The following ADGRG6 variants were observed in gnomAD, a reference collection of about 807,000 sequenced individuals.
ADGRG6 encodes the protein G-protein coupled receptor 126.
Under a neutral mutation model 142.4 loss-of-function variants are expected in ADGRG6, and 84 were observed. That is an observed-to-expected ratio of 0.59 (90% CI 0.49 to 0.71). The LOEUF is 0.71. ADGRG6 is among the 30% of genes least tolerant of loss of function. ADGRG6 has a pLI of 0.00. For missense variants in ADGRG6, 1,367 were observed against 1,466.6 expected (o/e 0.93, Z 1.11); for synonymous variants, 521 against 520.5 (o/e 1.00, Z -0.01).
chr6:142,389,638 C>G (rs964532545), intron 6 of ADGRG6, among the ~76,000 whole-genome samples: 5 of 151,834 alleles, frequency 3.3e-5, no homozygotes, highest in African/African-American at 1.2e-4. Flanking sequence ...GAAAATTCTA[C>G]CTGCAAATAT....
intron 24 of ADGRG6, among the ~76,000 whole-genome samples, chr6:142,441,956 T>C (rs967898594): frequency 2.6e-5 from 4 of 152,202 alleles, no homozygotes; most frequent in African/African-American, 7.2e-5. Context: ...TCTAGCATCC[T>C]TTAGTGTGGG....
chr6:142,310,433 T>A (rs1338197050), intron 2 of ADGRG6, among the ~76,000 whole-genome samples: 1 of 151,620 alleles, frequency 6.6e-6, no homozygotes, highest in Non-Finnish European at 1.5e-5. Context: ...TCCTTTAGAA[T>A]AAAGCTAAAA....
At chr6:142,405,650 A>G (rs370424311) in intron 14 of ADGRG6, 38 bp from the exon 15 acceptor site, 5 of 1,541,040 alleles carry the variant, frequency 3.2e-6, no homozygotes, top group East Asian at 2.3e-5. Flanking sequence ...CCATTCAATT[A>G]TGATTACTTG....
chr6:142,404,174 G>T, intron 14 of ADGRG6: 1 of 546,420 alleles, frequency 1.8e-6, no homozygotes, highest in Non-Finnish European at 3.2e-6. Flanking sequence ...CTGGGTGACA[G>T]GGGTGGTCAG....
chr6:142,328,701 A>G (rs1331208437), intron 2 of ADGRG6, among the ~76,000 whole-genome samples: 2 of 152,190 alleles, frequency 1.3e-5, no homozygotes, highest in Non-Finnish European at 1.5e-5. Context: ...GAGTATCACC[A>G]GGGAATGCCA....
intron 2 of ADGRG6, among the ~76,000 whole-genome samples, chr6:142,333,587 C>A (rs954060716): frequency 1.3e-5 from 2 of 152,124 alleles, no homozygotes; most frequent in African/African-American, 4.8e-5. Flanking sequence ...TGGGCTCAAG[C>A]AATCCTCCTG....
At chr6:142,337,942 A>G (rs1469798305) in intron 2 of ADGRG6, among the ~76,000 whole-genome samples, 2 of 150,936 alleles carry the variant, frequency 1.3e-5, no homozygotes, top group Non-Finnish European at 2.9e-5. Context: ...TACATCTGAC[A>G]CTGAATTTAT....
intron 4 of ADGRG6, among the ~76,000 whole-genome samples, chr6:142,381,205 T>C (rs969627860): frequency 1.2e-4 from 18 of 152,348 alleles, no homozygotes; most frequent in Non-Finnish European, 1.8e-4. Flanking sequence ...CACTATTATA[T>C]AAATGTCCCT....
intron 21 of ADGRG6, among the ~76,000 whole-genome samples, chr6:142,418,639 C>T (rs143370324): frequency 2.0e-5 from 3 of 152,204 alleles, no homozygotes; most frequent in East Asian, 3.9e-4. Flanking sequence ...TAGTAAACTG[C>T]TATACCATTA....
intron 22 of ADGRG6, among the ~76,000 whole-genome samples, chr6:142,425,148 A>C (rs1238048144): frequency 6.6e-6 from 1 of 152,216 alleles, no homozygotes; most frequent in Non-Finnish European, 1.5e-5. Context: ...TTCAATCTTT[A>C]TAAACACAAT....
chr6:142,382,845 A>G (rs550580952), intron 5 of ADGRG6, among the ~76,000 whole-genome samples: 3 of 152,192 alleles, frequency 2.0e-5, no homozygotes, highest in Non-Finnish European at 4.4e-5. Context: ...GATTGAAGAA[A>G]TAAAAACCTA....
chr6:142,342,777 A>T (rs543782758), intron 2 of ADGRG6, among the ~76,000 whole-genome samples: 14 of 152,208 alleles, frequency 9.2e-5, no homozygotes, highest in African/African-American at 3.4e-4. Context: ...CATCTGGCAT[A>T]AATCATTACT....
At position 142,315,703 on chromosome 6, in the gene ADGRG6, C is replaced by T. The variant is rs555309277; in HGVS notation, c.103+6059C>T. 4.1e-4 allele frequency among the ~76,000 whole-genome samples: 63 copies of T among 151,922 alleles called. 1 individual carries two copies. Among genetic ancestry groups the T allele is most frequent in the Admixed American group, 3.3e-4 (5 of 15,234 alleles). ...AAAATTAGCCTGGTGTGGTGGTGCG[C>T]GCCTGTAATCCCAGCTACTCGGGAG... On this transcript the variant is annotated intron_variant, in intron 2 of 24. Transcript: ENST00000367609.
intron 2 of ADGRG6, among the ~76,000 whole-genome samples, chr6:142,335,308 T>C (rs1779259085): frequency 6.6e-6 from 1 of 152,194 alleles, no homozygotes; most frequent in African/African-American, 2.4e-5. Flanking sequence ...TACACAATTA[T>C]TGATCTTGGT....
In ADGRG6 at chr6:142,382,028, C is replaced by T. The variant is rs201373020; in HGVS notation, c.1138+9C>T. 426 of 1,552,858 alleles carry T rather than the reference C, an allele frequency of 2.7e-4. 1 individual carries two copies. The highest frequency in any genetic ancestry group is 3.4e-4 in the Middle Eastern group (2 of 5,944). ...GGGGACCCTCTGTCAAGGTAGGGAG[C>T]CCACACCGTGCTCTGGAATCTCTTT... is the stretch of plus-strand genomic sequence containing the variant. On this transcript the variant is annotated intron_variant, in intron 5 of 24. Transcript: ENST00000367609.
In ADGRG6 at chr6:142,363,404, G is replaced by A. The variant is rs182548681; in HGVS notation, c.104-4165G>A. Among the ~76,000 whole-genome samples the A allele has an allele frequency of 4.8e-3, 735 of 151,948 alleles. 9 individuals are homozygous for A. The highest frequency in any genetic ancestry group is 0.017 in the African/African-American group (697 of 41,482). ...AAATGTTATTTATCAATTGAATTAG[G>A]CTTTGGCGTGACTGGAAGACTTTTC... On this transcript the variant is annotated intron_variant, in intron 2 of 24. Coordinates refer to ENST00000367609, the MANE Select transcript of ADGRG6 (RefSeq NM_198569.3).
chr6:142,408,458 T>A (rs1446858851), intron 16 of ADGRG6, among the ~76,000 whole-genome samples, 189 bp downstream of exon 16: 1 of 151,992 alleles, frequency 6.6e-6, no homozygotes, highest in African/African-American at 2.4e-5. Flanking sequence ...GCTGGAGAGG[T>A]TAGTCTTATC....
chr6:142,348,932 T>C (rs538970593), intron 2 of ADGRG6, among the ~76,000 whole-genome samples: 8 of 152,296 alleles, frequency 5.3e-5, no homozygotes, highest in African/African-American at 1.9e-4. Context: ...CTTGATCTTA[T>C]GGGAATACTA....
At chr6:142,314,971 AGTGTGTGTGTGTGT>A (rs58848776) in intron 2 of ADGRG6, among the ~76,000 whole-genome samples, 88 of 144,988 alleles carry the variant, frequency 6.1e-4, no homozygotes, top group African/African-American at 1.9e-3. Flanking sequence ...CCAATCATGG[AGTGTGTGTGTGTGT>A]GTGTGTGTGT....
Sources: allele counts gnomAD v4.1 joint callset (sites outside exome capture counted in the v4.1 genomes callset), GRCh38; gene constraint gnomAD v4.1.1; transcripts MANE v1.5; gene names NCBI Gene and HGNC (gene_info 2026-07-23, HGNC 2026-07-21).